Variants in POTEE observed in about 807,000 individuals in gnomAD.
POTEE encodes the protein POTE ankyrin domain family member E, also known as ANKRD26-like family C member 1A.
In POTEE, 21 loss-of-function variants were observed where a neutral mutation model predicts 74.2. That is an observed-to-expected ratio of 0.28 (90% CI 0.20 to 0.41). The LOEUF (loss-of-function observed/expected upper bound fraction) is 0.41, where lower values mean the gene tolerates loss of function less well. Ranked by LOEUF, POTEE falls within the 10% of genes least tolerant of loss-of-function variation. The pLI, the probability that POTEE is intolerant of heterozygous loss-of-function variation, is 1.00. For synonymous variants in POTEE, 211 were observed against 432.8 expected (o/e 0.49, Z 6.36); for missense variants, 525 against 1,158.6 (o/e 0.45, Z 7.94).
chr2:131,214,001 GTTTTTC>G (rs994902491), intron 2 of POTEE, among the ~76,000 whole-genome samples: 4 of 151,580 alleles, frequency 2.6e-5, no homozygotes, highest in Admixed American at 6.6e-5. Context: ...ACAGTAGTAA[GTTTTTC>G]TTTTTCTGCT....
At chr2:131,232,796 T>G (rs1246281830) in intron 9 of POTEE, among the ~76,000 whole-genome samples, 3 of 151,898 alleles carry the variant, frequency 2.0e-5, no homozygotes, top group Non-Finnish European at 4.4e-5. Flanking sequence ...CCCTTCATGG[T>G]TGGCTAATCC....
intron 9 of POTEE, among the ~76,000 whole-genome samples, chr2:131,236,386 CT>C (rs1328486916): frequency 1.3e-5 from 2 of 152,038 alleles, no homozygotes; most frequent in Non-Finnish European, 2.9e-5. Context: ...ACTTGTTTCT[CT>C]TTAAAACTAA....
At chr2:131,221,557 T>C (rs1700618303) in intron 4 of POTEE, among the ~76,000 whole-genome samples, 1 of 152,180 alleles carries the variant, frequency 6.6e-6, no homozygotes, top group East Asian at 1.9e-4. Flanking sequence ...AGGAATATGC[T>C]TCTTGCATAG....
chr2:131,245,743 G>T (rs199908678), intron 13 of POTEE, among the ~76,000 whole-genome samples: 991 of 41,002 alleles, frequency 0.024, 21 homozygotes, highest in Admixed American at 0.056. Flanking sequence ...TCCCTTCTGG[G>T]GGCAAAGTGA....
In POTEE at chr2:131,217,597, C is replaced by T. The variant is rs1363784732; in HGVS notation, c.-180C>T. ...TTTTTTTTTTTCACCAGAGGCTTCTCAGTGGCTTGAAAGCTCAGCTGACTC... is the reference window on the plus strand; with the variant it reads ...TTTTTTTTTTTCACCAGAGGCTTCTTAGTGGCTTGAAAGCTCAGCTGACTC... On this transcript the variant is annotated 5_prime_UTR_variant, in exon 3 of 18. Transcript: ENST00000683005. Among the ~76,000 whole-genome samples the T allele has an allele frequency of 2.0e-5, 3 of 148,214 alleles. No individual in the cohort carries two copies. The highest frequency in any genetic ancestry group is 4.5e-5 in the Non-Finnish European group (3 of 67,000).
intron 6 of POTEE, among the ~76,000 whole-genome samples, 172 bp downstream of exon 6, chr2:131,224,215 A>G (rs1174020725): frequency 1.3e-5 from 2 of 152,064 alleles, no homozygotes; most frequent in East Asian, 3.9e-4. Context: ...CTTTCAAAGA[A>G]GCATTAGAGG....
At chr2:131,214,803 A>AT (rs1377475059) in intron 2 of POTEE, among the ~76,000 whole-genome samples, 8 of 152,064 alleles carry the variant, frequency 5.3e-5, no homozygotes, top group Non-Finnish European at 1.2e-4. Context: ...TTTGGAAAAT[A>AT]GTTTTGTTTA....
chr2:131,263,406 T>C lies in POTEE; in HGVS notation c.1951T>C (p.Leu651=), dbSNP rs374743049. 137 of 1,611,744 alleles carry C rather than the reference T, an allele frequency of 8.5e-5. No individual in the cohort carries two copies. Among genetic ancestry groups the C allele is most frequent in the Admixed American group, 1.2e-4 (7 of 59,968 alleles). The stretch of plus-strand genomic sequence containing the variant: ...AGACGTCTTGCATGAAAATAGTACG[T>C]TGCGGGAAGAAATTGCCATGCTAAG... ...EKDVLHENST[L]REEIAMLRLE... is the part of the protein sequence containing the mutation. The change falls in exon 18 of 18, where the codon TTG becomes CTG. Residue 651 remains leucine (L), a synonymous_variant. Coordinates refer to ENST00000683005, the MANE Select transcript of POTEE (RefSeq NM_001083538.3).
chr2:131,215,615 G>A (rs1454882539), intron 2 of POTEE, among the ~76,000 whole-genome samples: 1 of 146,558 alleles, frequency 6.8e-6, no homozygotes, highest in Non-Finnish European at 1.5e-5. Flanking sequence ...TTTGTTCCGA[G>A]AGACCACAGT....
At chr2:131,229,345 C>T (rs1294447522) in intron 8 of POTEE, among the ~76,000 whole-genome samples, 53 of 147,104 alleles carry the variant, frequency 3.6e-4, no homozygotes, top group African/African-American at 1.4e-3. Context: ...CTGTATAGAA[C>T]CCAGTAGAAA....
chr2:131,224,298 A>G (rs1038968668), intron 6 of POTEE, among the ~76,000 whole-genome samples: 1 of 149,774 alleles, frequency 6.7e-6, no homozygotes, highest in African/African-American at 2.5e-5. Flanking sequence ...AAAAGATAAT[A>G]CTTACTATTT....
rs1190084555 is a variant in POTEE, at chr2:131,265,105, A to G, written c.*422A>G. The G allele has an allele frequency of 6.1e-6, 1 of 163,200 alleles. No individual in the cohort carries two copies. The highest frequency in any genetic ancestry group is 2.6e-5 in the African/African-American group (1 of 38,304). The allele number at this position is 163,200 out of a possible 1,614,324, so 10.1% of individuals were successfully genotyped here. ...AAATTTTTTGAATCTTCGCCTTAATACTTTTTAATTTTGTTTTATTTTGAA... is the reference window on the plus strand; with the variant it reads ...AAATTTTTTGAATCTTCGCCTTAATGCTTTTTAATTTTGTTTTATTTTGAA... On this transcript the variant is annotated 3_prime_UTR_variant, in exon 18 of 18. Transcript: ENST00000683005.
At chr2:131,224,468 T>C (rs1200619972) in intron 6 of POTEE, among the ~76,000 whole-genome samples, 1 of 144,968 alleles carries the variant, frequency 6.9e-6, no homozygotes, top group Non-Finnish European at 1.5e-5. Context: ...CAGTAATAGA[T>C]ACGAGGTGAT....
intron 2 of POTEE, among the ~76,000 whole-genome samples, chr2:131,212,857 C>T (rs1395774344): frequency 6.6e-6 from 1 of 151,296 alleles, no homozygotes; most frequent in Non-Finnish European, 1.5e-5. Flanking sequence ...AGCCACCACG[C>T]CTGGCTCTCT....
At position 131,211,342 on chromosome 2, in the gene POTEE, C is replaced by T. The variant is rs545485547; in HGVS notation, c.-189+159C>T. On this transcript the variant is annotated intron_variant, in intron 2 of 17. Transcript: ENST00000683005. The stretch of plus-strand genomic sequence containing the variant: ...AGTAGGAGCACTGCAGGGCCCAGTC[C>T]GACCTGGGGTGGGGAGGAACCTGCT... 3.3e-5 allele frequency among the ~76,000 whole-genome samples: 5 copies of T among 151,244 alleles called. No individual in the cohort carries two copies. The South Asian group carries it at 6.3e-4, about 19-fold the overall frequency.
chr2:131,211,271 G>A (rs1165273167), intron 2 of POTEE, among the ~76,000 whole-genome samples, 88 bp downstream of exon 2: 2 of 151,824 alleles, frequency 1.3e-5, no homozygotes, highest in South Asian at 4.2e-4. Context: ...ATTGGCATTG[G>A]TGCTAGTGGT....
chr2:131,265,019 C>G lies in POTEE; in HGVS notation c.*336C>G, dbSNP rs1158310430. 1.5e-5 allele frequency: 7 copies of G among 480,034 alleles called. No homozygotes were observed. Among genetic ancestry groups the G allele is most frequent in the Non-Finnish European group, 2.7e-5 (7 of 264,122 alleles). The allele number at this position is 480,034 out of a possible 1,614,324, so 29.7% of individuals were successfully genotyped here. A position where few individuals can be genotyped will look rare whatever the true frequency, so the allele number is the denominator to read the frequency against. ...TTCTCTCTAAGGAGAATGGCCCAGT[C>G]CTCTCCCTAGTTCACACAGGGGAGG... is the stretch of plus-strand genomic sequence containing the variant. On this transcript the variant is annotated 3_prime_UTR_variant, in exon 18 of 18. Transcript: ENST00000683005.
At position 131,236,151 on chromosome 2, in the gene POTEE, A is replaced by C. The variant is rs998045156; in HGVS notation, c.1127-581A>C. On this transcript the variant is annotated intron_variant, in intron 9 of 17. Transcript: ENST00000683005. ...GCATAGCTTATGACCTTGCAGCTGC[A>C]TTGAAGGACAACAGGAACTTGCAAA... Among the ~76,000 whole-genome samples the C allele has an allele frequency of 1.2e-4, 19 of 152,166 alleles. 1 individual carries two copies. Among genetic ancestry groups the C allele is most frequent in the African/African-American group, 3.4e-4 (14 of 41,406 alleles).
In POTEE at chr2:131,212,064, C is replaced by T. The variant is rs1417692113; in HGVS notation, c.-189+881C>T. 4.0e-5 allele frequency among the ~76,000 whole-genome samples: 6 copies of T among 151,666 alleles called. No individual in the cohort carries two copies. The South Asian group carries it at 8.4e-4, about 21-fold the overall frequency. ...TCATGTTTCTATTCTTGTTTCTCCT[C>T]CTCTTTTTGTTTTCTTTATGCCAAG... On this transcript the variant is annotated intron_variant, in intron 2 of 17. Transcript: ENST00000683005.
Sources: gnomAD v4.1 joint callset for allele counts (sites outside exome capture counted in the v4.1 genomes callset) on GRCh38, gnomAD v4.1.1 for gene constraint, MANE v1.5 for transcripts, NCBI Gene and HGNC (gene_info 2026-07-23, HGNC 2026-07-21) for gene names.